Variants in FHIT observed in about 807,000 individuals in gnomAD.
FHIT encodes the protein fragile histidine triad diadenosine triphosphatase.
Under a neutral mutation model 17.9 loss-of-function variants are expected in FHIT, and 19 were observed. The observed-to-expected ratio is 1.06, with a 90% CI of 0.74 to 1.56. FHIT has a LOEUF of 1.56. FHIT is among the 40% of genes most tolerant of loss of function. FHIT has a pLI of 0.00. For synonymous variants in FHIT, 81 were observed against 69.7 expected (o/e 1.16, Z -0.81); for missense variants, 248 against 189.2 (o/e 1.31, Z -1.82).
At chr3:60,148,531 T>C (rs1193598807) in intron 5 of FHIT, among the ~76,000 whole-genome samples, 6 of 152,170 alleles carry the variant, frequency 3.9e-5, no homozygotes, top group South Asian at 2.1e-4. Context: ...ACATCTTTTA[T>C]TTAAAATCAC....
intron 5 of FHIT, among the ~76,000 whole-genome samples, chr3:60,382,989 A>T (rs1195551265): frequency 6.6e-6 from 1 of 152,214 alleles, no homozygotes; most frequent in Admixed American, 6.5e-5. Context: ...GCACACAAGC[A>T]TCTGTATTAA....
intron 4 of FHIT, among the ~76,000 whole-genome samples, chr3:60,812,053 A>G (rs1029120074): frequency 2.0e-5 from 3 of 152,286 alleles, no homozygotes; most frequent in South Asian, 2.1e-4. Context: ...ATTCTGCCCC[A>G]GGCTAGGTGA....
intron 4 of FHIT, among the ~76,000 whole-genome samples, chr3:60,647,156 A>C (rs1301917189): frequency 6.6e-6 from 1 of 152,222 alleles, no homozygotes; most frequent in African/African-American, 2.4e-5. Context: ...ATCGTTGTGG[A>C]AAGGCATGGG....
intron 5 of FHIT, chr3:60,536,058 T>C (rs2107597751): frequency 6.6e-6 from 1 of 152,238 alleles, no homozygotes; most frequent in East Asian, 1.9e-4. Flanking sequence ...GCAAACTAAG[T>C]GAAGGAGGAA....
At chr3:60,190,310 G>A (rs1422465832) in intron 5 of FHIT, among the ~76,000 whole-genome samples, 1 of 151,480 alleles carries the variant, frequency 6.6e-6, no homozygotes, top group Non-Finnish European at 1.5e-5. Flanking sequence ...CAGAAATGAC[G>A]CAGTGAAATG....
chr3:60,917,882 A>G (rs1559827488), intron 3 of FHIT, among the ~76,000 whole-genome samples: 2 of 152,226 alleles, frequency 1.3e-5, no homozygotes, highest in African/African-American at 4.8e-5. Context: ...AAGCAAAGAT[A>G]AAAAAGTGCA....
At chr3:60,936,521 T>A (rs1382574612) in intron 3 of FHIT, among the ~76,000 whole-genome samples, 3 of 152,214 alleles carry the variant, frequency 2.0e-5, no homozygotes, top group African/African-American at 7.2e-5. Flanking sequence ...GGTCTATTCA[T>A]TGAAAAATTA....
At chr3:59,800,825 A>C (rs1699963963) in intron 8 of FHIT, among the ~76,000 whole-genome samples, 1 of 152,022 alleles carries the variant, frequency 6.6e-6, no homozygotes. Flanking sequence ...ACAGGACAGG[A>C]GTGCAGGAGG....
chr3:59,825,332 C>T (rs1022022623), intron 8 of FHIT, among the ~76,000 whole-genome samples: 2 of 152,140 alleles, frequency 1.3e-5, no homozygotes, highest in Non-Finnish European at 2.9e-5. Context: ...TTTCTTTTGG[C>T]AGAACCACTT....
intron 5 of FHIT, among the ~76,000 whole-genome samples, chr3:60,139,407 G>C (rs1329740693): frequency 6.6e-6 from 1 of 152,052 alleles, no homozygotes; most frequent in Non-Finnish European, 1.5e-5. Flanking sequence ...CACCCACTAA[G>C]TGAAGAGTGC....
chr3:60,110,126 C>A (rs1559640843), intron 5 of FHIT, among the ~76,000 whole-genome samples: 1 of 152,154 alleles, frequency 6.6e-6, no homozygotes, highest in East Asian at 1.9e-4. Flanking sequence ...TCACTCTATT[C>A]CCAGCGTCCT....
intron 5 of FHIT, among the ~76,000 whole-genome samples, chr3:60,280,508 G>A (rs577532519): frequency 6.6e-6 from 1 of 152,088 alleles, no homozygotes; most frequent in Non-Finnish European, 1.5e-5. Flanking sequence ...TAGAGGCAAA[G>A]GTGAAATAAC....
chr3:59,807,947 A>T (rs529432393), intron 8 of FHIT, among the ~76,000 whole-genome samples: 3 of 152,292 alleles, frequency 2.0e-5, no homozygotes, highest in African/African-American at 7.2e-5. Flanking sequence ...AAAATCCACC[A>T]TTTAGCCATT....
intron 5 of FHIT, among the ~76,000 whole-genome samples, chr3:60,351,595 G>C (rs1454048401): frequency 6.6e-6 from 1 of 152,172 alleles, no homozygotes; most frequent in African/African-American, 2.4e-5. Flanking sequence ...ACAGATAAAA[G>C]CAAAGGATGA....
chr3:60,128,546 C>T (rs765956116), intron 5 of FHIT, among the ~76,000 whole-genome samples: 21 of 152,202 alleles, frequency 1.4e-4, no homozygotes, highest in African/African-American at 5.1e-4. Flanking sequence ...AATACAAACC[C>T]TTACTATGCA....
chr3:60,448,348 T>G (rs756352779), intron 5 of FHIT, among the ~76,000 whole-genome samples: 10 of 152,118 alleles, frequency 6.6e-5, no homozygotes, highest in Non-Finnish European at 1.2e-4. Flanking sequence ...ACAAAAAAAC[T>G]TAGGTCTAAA....
chr3:60,090,146 C>T (rs4679628), intron 5 of FHIT, among the ~76,000 whole-genome samples: 8 of 151,798 alleles, frequency 5.3e-5, no homozygotes, highest in African/African-American at 9.7e-5. Context: ...CCCCACCCCA[C>T]GTACATCAAT....
intron 4 of FHIT, among the ~76,000 whole-genome samples, chr3:60,700,851 A>G (rs1337217204): frequency 5.3e-5 from 8 of 152,164 alleles, no homozygotes; most frequent in Non-Finnish European, 1.2e-4. Flanking sequence ...TCTCTTGGTC[A>G]CTTAAATTTT....
At chr3:60,806,829 T>C (rs2106694455) in intron 4 of FHIT, among the ~76,000 whole-genome samples, 1 of 152,360 alleles carries the variant, frequency 6.6e-6, no homozygotes. Context: ...CATAGAAGGA[T>C]TAAGCATCAG....
Sources: allele counts gnomAD v4.1 joint callset (sites outside exome capture counted in the v4.1 genomes callset), GRCh38; gene constraint gnomAD v4.1.1; transcripts MANE v1.5; gene names NCBI Gene and HGNC (gene_info 2026-07-23, HGNC 2026-07-21).